Variants in ALMS1 observed in about 807,000 individuals in gnomAD.
The protein encoded by ALMS1 is centrosome-associated protein ALMS1.
ALMS1 carries 271 observed loss-of-function variants against 352.2 expected under a neutral mutation model. The ratio of observed to expected loss-of-function variants is 0.77; its 90% CI spans 0.70 to 0.85. ALMS1 has a LOEUF of 0.85. ALMS1 is among the 40% of genes least tolerant of loss of function. The pLI, the probability that ALMS1 is intolerant of heterozygous loss-of-function variation, is 0.00. For missense variants in ALMS1, 5,445 were observed against 4,870.7 expected, an observed-to-expected ratio of 1.12 and a Z score of -3.51; for synonymous variants, 1,865 against 1,761.2, an observed-to-expected ratio of 1.06 and a Z score of -1.48.
At chr2:73,507,523 A>G (rs1673353410) in intron 10 of ALMS1, among the ~76,000 whole-genome samples, 1 of 152,092 alleles carries the variant, frequency 6.6e-6, no homozygotes, top group Non-Finnish European at 1.5e-5. Context: ...GTGTCGAGGA[A>G]TTTATCCATT....
At chr2:73,588,130 A>C (rs542854485) in intron 16 of ALMS1, among the ~76,000 whole-genome samples, 3 of 152,356 alleles carry the variant, frequency 2.0e-5, no homozygotes, top group Non-Finnish European at 4.4e-5. Context: ...AAACAATTCC[A>C]AAAGATAAAG....
chr2:73,442,654 T>C (rs1671741323), intron 7 of ALMS1, among the ~76,000 whole-genome samples: 1 of 152,186 alleles, frequency 6.6e-6, no homozygotes. Context: ...AGTGGTACAG[T>C]ACTGGCTGCC....
At chr2:73,546,220 G>A (rs1674316779) in intron 12 of ALMS1, among the ~76,000 whole-genome samples, 2 of 152,132 alleles carry the variant, frequency 1.3e-5, no homozygotes, top group East Asian at 1.9e-4. Flanking sequence ...TGAAAAAATA[G>A]TAATGAGACT....
rs368617270 is a variant in ALMS1, at chr2:73,477,548, A to G, written c.7675-12086A>G. On this transcript the variant is annotated intron_variant, in intron 9 of 22. Coordinates refer to ENST00000613296, the MANE Select transcript of ALMS1 (RefSeq NM_001378454.1). ...AGTTGCATTGAATCTCTAGATTACT[A>G]TGGGAAATATTACCACTTGAATCTC... is the stretch of plus-strand genomic sequence containing the variant. Among the ~76,000 whole-genome samples, 10 of 151,720 alleles carry G rather than the reference A, an allele frequency of 6.6e-5. No homozygotes were observed. In the East Asian group the frequency reaches 1.7e-3, roughly 26 times the overall value.
chr2:73,409,075 C>T (rs550544950), intron 2 of ALMS1, among the ~76,000 whole-genome samples: 4 of 151,956 alleles, frequency 2.6e-5, no homozygotes, highest in South Asian at 2.1e-4. Context: ...TGGAGTCTCG[C>T]TTTGTTGCCC....
chr2:73,461,256 C>A (rs945296290), intron 9 of ALMS1, among the ~76,000 whole-genome samples: 14 of 152,312 alleles, frequency 9.2e-5, no homozygotes, highest in Middle Eastern at 6.8e-3. Flanking sequence ...GAGGAATGAT[C>A]AGGCAGCAGC....
chr2:73,485,100 T>A (rs990207182), intron 9 of ALMS1, among the ~76,000 whole-genome samples: 82 of 152,258 alleles, frequency 5.4e-4, no homozygotes, highest in Non-Finnish European at 9.8e-4. Flanking sequence ...CCATCCAGCT[T>A]TGTTCCATTG....
chr2:73,572,263 G>A lies in ALMS1; in HGVS notation c.10386G>A (p.Glu3462=), dbSNP rs773637244. The A allele has an allele frequency of 1.2e-6, 2 of 1,604,742 alleles. No individual in the cohort carries two copies. The highest frequency in any genetic ancestry group is 1.7e-4 in the Middle Eastern group (1 of 5,992). The change falls in exon 16 of 23, where the codon GAG becomes GAA. Residue 3462 remains glutamate (E), a splice_region_variant and synonymous_variant. Transcript: ENST00000613296. ...AAAATCTTTTTTTCTCCTTTTCAGA[G>A]TCCGAATGTCATTCAGAATTTGAAA... ...NKESLQINIE[E]SECHSEFENT... is the part of the protein sequence containing the mutation.
intron 7 of ALMS1, among the ~76,000 whole-genome samples, chr2:73,441,016 T>C (rs957893680): frequency 6.6e-6 from 1 of 152,136 alleles, no homozygotes; most frequent in Non-Finnish European, 1.5e-5. Context: ...GTGGGTGGAA[T>C]GGTCTTCCTC....
intron 9 of ALMS1, among the ~76,000 whole-genome samples, chr2:73,479,455 A>G (rs1389377736): frequency 6.6e-6 from 1 of 152,228 alleles, no homozygotes; most frequent in African/African-American, 2.4e-5. Flanking sequence ...CAAGAATGTC[A>G]TATAAATGAT....
At chr2:73,431,663 C>T (rs528838001) in intron 6 of ALMS1, among the ~76,000 whole-genome samples, 1 of 152,236 alleles carries the variant, frequency 6.6e-6, no homozygotes, top group South Asian at 2.1e-4. Context: ...AGTTTGAGGA[C>T]TTATGCTTGT....
intron 9 of ALMS1, among the ~76,000 whole-genome samples, chr2:73,482,481 A>C (rs183841117): frequency 6.6e-4 from 98 of 148,424 alleles, no homozygotes; most frequent in Non-Finnish European, 1.2e-3. Flanking sequence ...TCAGTTTGCC[A>C]GTATTTTATT....
chr2:73,539,738 C>G (rs1674121848), intron 12 of ALMS1, among the ~76,000 whole-genome samples: 1 of 152,192 alleles, frequency 6.6e-6, no homozygotes, highest in South Asian at 2.1e-4. Flanking sequence ...GTACAAGCCT[C>G]AGTAGCCGAT....
chr2:73,508,831 T>C (rs1216595840), intron 10 of ALMS1, among the ~76,000 whole-genome samples: 1 of 152,144 alleles, frequency 6.6e-6, no homozygotes, highest in Non-Finnish European at 1.5e-5. Flanking sequence ...CTTTAAAGTC[T>C]CCCACTATTA....
intron 11 of ALMS1, among the ~76,000 whole-genome samples, chr2:73,528,224 C>T (rs550199724): frequency 5.3e-5 from 8 of 152,190 alleles, no homozygotes; most frequent in African/African-American, 1.2e-4. Context: ...ATTCTGCAGC[C>T]GTTGGATGAA....
At chr2:73,503,256 A>G (rs1398921534) in intron 10 of ALMS1, among the ~76,000 whole-genome samples, 2 of 150,764 alleles carry the variant, frequency 1.3e-5, no homozygotes, top group South Asian at 2.1e-4. Flanking sequence ...CCCTTCCCCG[A>G]CCCCACAACA....
chr2:73,494,709 CAGAG>C (rs1411782365), intron 10 of ALMS1, among the ~76,000 whole-genome samples: 1 of 152,210 alleles, frequency 6.6e-6, no homozygotes, highest in Non-Finnish European at 1.5e-5. Flanking sequence ...CACGTCACAA[CAGAG>C]AGCACATTAT....
chr2:73,490,798 T>G lies in ALMS1; in HGVS notation c.8839T>G (p.Ser2947Ala). ...AGATCATCAAATGAGAGAAAACCATTCTCCCCTTCCTCAAGGTCAGGATTC... is the reference window on the plus strand; with the variant it reads ...AGATCATCAAATGAGAGAAAACCATGCTCCCCTTCCTCAAGGTCAGGATTC... ...YVDHQMRENH[S>A]PLPQGQDSIA... is the part of the protein sequence containing the mutation. Residue 2947 changes from serine (S) to alanine (A), a missense_variant, in exon 10 of 23, where the codon TCT becomes GCT. Physicochemically the swap from Ser to Ala is moderately conservative, Grantham distance 99. Coordinates refer to ENST00000613296, the MANE Select transcript of ALMS1 (RefSeq NM_001378454.1). 1 of 1,613,990 alleles carries G rather than the reference T, an allele frequency of 6.2e-7. No homozygotes were observed. Among genetic ancestry groups the G allele is most frequent in the Non-Finnish European group, 8.5e-7 (1 of 1,180,006 alleles).
chr2:73,454,108 T>C (rs1672010411), intron 8 of ALMS1, 41 bp downstream of exon 8: 1 of 1,564,276 alleles, frequency 6.4e-7, no homozygotes. Flanking sequence ...TATAGTTTAA[T>C]AATGTGTTTA....
Sources: allele counts gnomAD v4.1 joint callset (sites outside exome capture counted in the v4.1 genomes callset), GRCh38; gene constraint gnomAD v4.1.1; transcripts MANE v1.5; gene names NCBI Gene and HGNC (gene_info 2026-07-23, HGNC 2026-07-21).